PXDC1: variants seen among roughly 807,000 people sequenced by gnomAD.
PXDC1 encodes PX domain containing 1.
PXDC1 carries 13 observed loss-of-function variants against 24.4 expected under a neutral mutation model. The ratio of observed to expected loss-of-function variants is 0.53; its 90% confidence interval spans 0.35 to 0.85. PXDC1 has a LOEUF of 0.85. Ranked by LOEUF, PXDC1 falls within the 40% of genes least tolerant of loss-of-function variation. PXDC1 has a pLI of 0.01. For synonymous variants in PXDC1, 162 were observed against 124.9 expected, an observed-to-expected ratio of 1.30 and a Z score of -1.98; for missense variants, 344 against 309.3, an observed-to-expected ratio of 1.11 and a Z score of -0.84.
chr6:3,733,316 A>G (rs1006160817), intron 3 of PXDC1, among the ~76,000 whole-genome samples: 1 of 152,212 alleles, frequency 6.6e-6, no homozygotes, highest in Non-Finnish European at 1.5e-5. Context: ...TATGGGACCA[A>G]GACTGAGAAC....
intron 3 of PXDC1, among the ~76,000 whole-genome samples, chr6:3,730,395 A>G (rs1396777807): frequency 1.3e-5 from 2 of 152,158 alleles, no homozygotes; most frequent in Non-Finnish European, 2.9e-5. Flanking sequence ...CAGCTTTTAT[A>G]CGCCTGTGCC....
chr6:3,749,855 G>GT (rs1417776076), intron 1 of PXDC1, among the ~76,000 whole-genome samples: 1 of 152,198 alleles, frequency 6.6e-6, no homozygotes, highest in Non-Finnish European at 1.5e-5. Context: ...GGACTCCAGT[G>GT]TATTTAAGCC....
chr6:3,751,474 A>G lies in PXDC1; in HGVS notation c.58T>C (p.Trp20Arg). The G allele has an allele frequency of 6.2e-7, 1 of 1,604,328 alleles. No individual in the cohort carries two copies. Among genetic ancestry groups the G allele is most frequent in the South Asian group, 1.1e-5 (1 of 89,310 alleles). ...SLVNMFVRGC[W>R]VNGIRRLIVS... ...ATGAGCCTGCGGATGCCGTTCACCCAGCAGCCGCGCACGAACATGTTCACG... is the reference window on the plus strand; with the variant it reads ...ATGAGCCTGCGGATGCCGTTCACCCGGCAGCCGCGCACGAACATGTTCACG... The change falls in exon 1 of 5, where the codon TGG becomes CGG. Residue 20 changes from tryptophan to arginine, a missense_variant. Physicochemically the swap from Trp to Arg is moderately radical, Grantham distance 101 (BLOSUM62 -3). Transcript: ENST00000380283.
chr6:3,734,599 A>C (rs1439826759), intron 3 of PXDC1, among the ~76,000 whole-genome samples: 1 of 151,790 alleles, frequency 6.6e-6, no homozygotes. Flanking sequence ...AGTCATCCTC[A>C]CTCTCCCATA....
At chr6:3,746,093 C>G (rs943557657) in intron 1 of PXDC1, among the ~76,000 whole-genome samples, 5 of 152,212 alleles carry the variant, frequency 3.3e-5, no homozygotes, top group Non-Finnish European at 5.9e-5. Flanking sequence ...CTGGCCTGTT[C>G]TGTGAGAAAG....
intron 1 of PXDC1, chr6:3,738,996 G>A (rs1274457405): frequency 3.2e-6 from 4 of 1,269,490 alleles, no homozygotes; most frequent in Non-Finnish European, 4.1e-6. Context: ...AACCACAAAG[G>A]CTTAAGTGCC....
At chr6:3,723,808 T>A in intron 4 of PXDC1, 72 bp from the exon 5 acceptor site, 1 of 1,206,388 alleles carries the variant, frequency 8.3e-7, no homozygotes, top group Non-Finnish European at 1.2e-6. Context: ...GCCGGGACCA[T>A]GAGCATGACT....
chr6:3,748,549 G>A (rs945514558), intron 1 of PXDC1, among the ~76,000 whole-genome samples: 1 of 152,252 alleles, frequency 6.6e-6, no homozygotes, highest in East Asian at 1.9e-4. Flanking sequence ...TGGCCTCCAA[G>A]CACCACTCCA....
At position 3,728,945 on chromosome 6, in the gene PXDC1, C is replaced by A. The variant is rs560735588; in HGVS notation, c.467-1283G>T. On this transcript the variant is annotated intron_variant, in intron 3 of 4. Transcript: ENST00000380283. The surrounding 1 kb of genome is among the most constrained non-coding windows in gnomAD (Gnocchi z 4.0). Reference sequence around the variant, plus strand: ...CTTCATCTGTTCTTTCGACTCAGAACCTCTATGCACCCCATCATAAAAGTC... The same window carrying A: ...CTTCATCTGTTCTTTCGACTCAGAAACTCTATGCACCCCATCATAAAAGTC... Among the ~76,000 whole-genome samples the A allele has an allele frequency of 6.6e-6, 1 of 152,262 alleles. No individual in the cohort carries two copies. Among genetic ancestry groups the A allele is most frequent in the South Asian group, 2.1e-4 (1 of 4,824 alleles).
chr6:3,751,408 G>T lies in PXDC1; in HGVS notation c.124C>A (p.Arg42Ser). Reference protein sequence around the residue: ...RGDEEEFFEIRTEWSDRSVLY... With the variant: ...RGDEEEFFEISTEWSDRSVLY... ...ACGCTGCGGTCCGACCACTCCGTGC[G>T]GATCTCGAAGAACTCCTCTTCGTCG... The change falls in exon 1 of 5, where the codon CGC (arginine) becomes AGC (serine). Residue 42 changes from arginine (R) to serine (S), a missense_variant. Physicochemically the swap from Arg to Ser is moderately radical, Grantham distance 110. Coordinates refer to ENST00000380283, the MANE Select transcript of PXDC1 (RefSeq NM_183373.4). The T allele has an allele frequency of 6.3e-7, 1 of 1,578,830 alleles. No homozygotes were observed. Among genetic ancestry groups the T allele is most frequent in the East Asian group, 2.3e-5 (1 of 42,928 alleles).
At chr6:3,747,532 C>T (rs981860247) in intron 1 of PXDC1, among the ~76,000 whole-genome samples, 2 of 152,174 alleles carry the variant, frequency 1.3e-5, no homozygotes, top group African/African-American at 4.8e-5. Context: ...CCACCAGGCA[C>T]ATGCCAGCCT....
intron 1 of PXDC1, among the ~76,000 whole-genome samples, chr6:3,747,805 A>G (rs1356048113): frequency 6.6e-6 from 1 of 152,220 alleles, no homozygotes; most frequent in East Asian, 1.9e-4. Context: ...CAACCAGAAT[A>G]TAAGAATCAT....
intron 3 of PXDC1, among the ~76,000 whole-genome samples, chr6:3,729,613 G>A (rs919094200): frequency 6.6e-6 from 1 of 152,236 alleles, no homozygotes; most frequent in Non-Finnish European, 1.5e-5. Context: ...AAGCCTCGCT[G>A]AACAGGCGGA....
chr6:3,736,823 G>A (rs768182061), intron 3 of PXDC1, among the ~76,000 whole-genome samples: 8 of 152,192 alleles, frequency 5.3e-5, no homozygotes, highest in Non-Finnish European at 8.8e-5. Context: ...TTTGTTCATC[G>A]TTATACCATT....
At chr6:3,723,860 A>C in intron 4 of PXDC1, 124 bp from the exon 5 acceptor site, 3 of 719,160 alleles carry the variant, frequency 4.2e-6, no homozygotes, top group Non-Finnish European at 7.3e-6. Context: ...CCACGGCTAC[A>C]AATGAACTGG....
chr6:3,726,274 C>T (rs1384740268), intron 4 of PXDC1, among the ~76,000 whole-genome samples: 1 of 152,224 alleles, frequency 6.6e-6, no homozygotes, highest in African/African-American at 2.4e-5. Context: ...TCCATGACTA[C>T]ACTCCAGCCT....
chr6:3,725,555 G>T lies in PXDC1; in HGVS notation c.579-1819C>A, dbSNP rs958234308. On this transcript the variant is annotated intron_variant, in intron 4 of 4. Transcript: ENST00000380283. This position sits in a 1 kb window ranked among gnomAD's most constrained non-coding sequence, Gnocchi z 4.8. ...CGGGGCAGCCTGCTGAGACTCTGCT[G>T]TGGGGGCCCTGCTGTGGGCCCGGCG... is the stretch of plus-strand genomic sequence containing the variant. Among the ~76,000 whole-genome samples, 1 of 152,224 alleles carries T rather than the reference G, an allele frequency of 6.6e-6. No individual in the cohort carries two copies. The highest frequency in any genetic ancestry group is 2.4e-5 in the African/African-American group (1 of 41,456).
At chr6:3,727,937 G>A (rs972105613) in intron 3 of PXDC1, among the ~76,000 whole-genome samples, 19 of 152,216 alleles carry the variant, frequency 1.2e-4, no homozygotes, top group East Asian at 1.2e-3. Flanking sequence ...TATGCCCTTC[G>A]CTGTGGGCTT....
intron 1 of PXDC1, among the ~76,000 whole-genome samples, chr6:3,746,654 G>A (rs1760578321): frequency 6.6e-6 from 1 of 152,164 alleles, no homozygotes; most frequent in South Asian, 2.1e-4. Context: ...CAGAGATGGT[G>A]CCTCTGTGCC....
Sources: gnomAD v4.1 joint callset for allele counts (sites outside exome capture counted in the v4.1 genomes callset) on GRCh38, gnomAD v4.1.1 for gene constraint, Gnocchi (gnomAD v3.1) non-coding constraint, MANE v1.5 for transcripts, NCBI Gene and HGNC (gene_info 2026-07-23, HGNC 2026-07-21) for gene names.